The following THSD7A variants were observed in gnomAD, a reference collection of about 807,000 sequenced individuals.
The protein encoded by THSD7A is thrombospondin type-1 domain-containing protein 7A.
In THSD7A, 96 loss-of-function variants were observed where a neutral mutation model predicts 231.3. The observed-to-expected ratio is 0.41, with a 90% CI of 0.35 to 0.49. THSD7A has a LOEUF of 0.49. Among genes scored for constraint, THSD7A ranks in the 20% least tolerant of loss-of-function variants. The pLI is 0.05. For missense variants in THSD7A, 2,290 were observed against 2,070.2 expected (o/e 1.11, Z -2.06); for synonymous variants, 940 against 743.3 (o/e 1.26, Z -4.30).
At chr7:11,652,290 G>A (rs1044525997) in intron 1 of THSD7A, among the ~76,000 whole-genome samples, 1 of 151,872 alleles carries the variant, frequency 6.6e-6, no homozygotes, top group Non-Finnish European at 1.5e-5. Context: ...TGGCACGGGA[G>A]CAGGACTGGC....
intron 6 of THSD7A, among the ~76,000 whole-genome samples, chr7:11,517,505 G>T (rs1020637431): frequency 1.3e-5 from 2 of 151,846 alleles, no homozygotes; most frequent in African/African-American, 4.8e-5. Context: ...GTAAGGCTAT[G>T]AAGTAAAAAA....
At chr7:11,470,238 T>C (rs756646396) in intron 8 of THSD7A, among the ~76,000 whole-genome samples, 1 of 152,090 alleles carries the variant, frequency 6.6e-6, no homozygotes, top group Non-Finnish European at 1.5e-5. Flanking sequence ...AATAATGCTA[T>C]TTAGAAACAA....
chr7:11,770,503 G>A (rs1166560665), intron 1 of THSD7A, among the ~76,000 whole-genome samples: 1 of 152,132 alleles, frequency 6.6e-6, no homozygotes, highest in African/African-American at 2.4e-5. Flanking sequence ...ATTTACCAGT[G>A]TTTCTGAGGC....
At position 11,381,091 on chromosome 7, in the gene THSD7A, G is replaced by C. The variant is rs554814056; in HGVS notation, c.4508-1379C>G. ...TCTTTGAATAGTTTAAAAAAGAATG[G>C]AGACATTCGTTTCCAATCTCTGAGC... is the stretch of plus-strand genomic sequence containing the variant. On this transcript the variant is annotated intron_variant, in intron 24 of 27. Coordinates refer to ENST00000423059, the MANE Select transcript of THSD7A (RefSeq NM_015204.3). 5.3e-5 allele frequency among the ~76,000 whole-genome samples: 8 copies of C among 152,208 alleles called. No individual in the cohort carries two copies. In the South Asian group the frequency reaches 1.5e-3, roughly 28 times the overall value.
At chr7:11,784,446 G>A (rs1308642967) in intron 1 of THSD7A, among the ~76,000 whole-genome samples, 2 of 151,074 alleles carry the variant, frequency 1.3e-5, no homozygotes, top group East Asian at 2.0e-4. Flanking sequence ...AATCCTCAAT[G>A]TCTCTTCTTT....
chr7:11,736,180 G>T (rs184853603), intron 1 of THSD7A, among the ~76,000 whole-genome samples: 2 of 151,796 alleles, frequency 1.3e-5, no homozygotes, highest in Non-Finnish European at 2.9e-5. Context: ...AGAAAATAAA[G>T]CTTATTTGGC....
intron 6 of THSD7A, among the ~76,000 whole-genome samples, chr7:11,512,547 T>C (rs1192162777): frequency 6.6e-6 from 1 of 152,020 alleles, no homozygotes; most frequent in Non-Finnish European, 1.5e-5. Context: ...TGTTCATCAA[T>C]AATAGACTGG....
At chr7:11,698,479 AT>A (rs150745091) in intron 1 of THSD7A, among the ~76,000 whole-genome samples, 4,538 of 151,522 alleles carry the variant, frequency 0.03, 236 homozygotes, top group African/African-American at 0.1. Flanking sequence ...TATATTTGCC[AT>A]TTAGCTACAG....
intron 4 of THSD7A, among the ~76,000 whole-genome samples, chr7:11,575,614 C>A (rs774446148): frequency 6.6e-6 from 1 of 152,126 alleles, no homozygotes; most frequent in Non-Finnish European, 1.5e-5. Flanking sequence ...GGGGATATAA[C>A]GGAACTCTCT....
intron 1 of THSD7A, among the ~76,000 whole-genome samples, chr7:11,685,536 T>C (rs114905282): frequency 0.016 from 2,435 of 151,458 alleles, 50 homozygotes; most frequent in African/African-American, 0.056. Context: ...AGGAAATAAA[T>C]AACTCTATTA....
chr7:11,823,727 T>A (rs906527393), intron 1 of THSD7A, among the ~76,000 whole-genome samples: 2 of 152,058 alleles, frequency 1.3e-5, no homozygotes, highest in African/African-American at 4.8e-5. Flanking sequence ...GTAAATTGGA[T>A]TATTTTCTTG....
intron 6 of THSD7A, among the ~76,000 whole-genome samples, chr7:11,484,874 A>ATTTTTTTTTTTTTTTTTTTTTTTTT (rs56353626): frequency 5.6e-5 from 3 of 53,810 alleles, no homozygotes; most frequent in Non-Finnish European, 9.3e-5. Context: ...CACAACCTTA[A>ATTTTTTTTTTTTTTTTTTTTTTTTT]TTTTTTTTTT....
chr7:11,825,711 T>C (rs1785005235), intron 1 of THSD7A, among the ~76,000 whole-genome samples: 1 of 152,108 alleles, frequency 6.6e-6, no homozygotes, highest in African/African-American at 2.4e-5. Flanking sequence ...ATATTGGAGA[T>C]GAAAGAAAAA....
At chr7:11,482,926 G>C (rs547847860) in intron 6 of THSD7A, among the ~76,000 whole-genome samples, 1 of 152,162 alleles carries the variant, frequency 6.6e-6, no homozygotes, top group Admixed American at 6.6e-5. Flanking sequence ...CCAAAACAGG[G>C]TAGGAGAAAA....
At position 11,543,103 on chromosome 7, in the gene THSD7A, C is replaced by A. The variant is rs980523542; in HGVS notation, c.1468G>T (p.Asp490Tyr). The A allele has an allele frequency of 6.2e-7, 1 of 1,610,884 alleles. No homozygotes were observed. Among genetic ancestry groups the A allele is most frequent in the Non-Finnish European group, 8.5e-7 (1 of 1,178,544 alleles). The change falls in exon 5 of 28, where the codon GAC becomes TAC. Residue 490 changes from aspartate to tyrosine, a missense_variant. Asp to Tyr is a radical substitution (Grantham distance 160). Coordinates refer to ENST00000423059, the MANE Select transcript of THSD7A (RefSeq NM_015204.3). ...ATAGGTCCAGTGCATAATTTTAAGT[C>A]CATTGGCTTTGAGGCTAGAGAAAAA... ...HKNKEASKPM[D>Y]LKLCTGPIPN...
At position 11,446,121 on chromosome 7, in the gene THSD7A, C is replaced by A. The variant is rs1375699886; in HGVS notation, c.3004G>T (p.Ala1002Ser). ...CCATTTTGATCGTAGCATGCCATTG[C>A]TTGGTAACGATATCCTTGTCCGCAT... ...KECGQGYRYQAMACYDQNGRL... is the reference protein window; with the variant it reads ...KECGQGYRYQSMACYDQNGRL... The change falls in exon 13 of 28, where the codon GCA (alanine) becomes TCA (serine). Residue 1002 changes from alanine to serine, a missense_variant. Coordinates refer to ENST00000423059, the MANE Select transcript of THSD7A (RefSeq NM_015204.3). The surrounding 1 kb of genome is among the most constrained non-coding windows in gnomAD (Gnocchi z 4.0). 5.0e-6 allele frequency: 8 copies of A among 1,613,474 alleles called. No homozygotes were observed. In the East Asian group the frequency reaches 1.3e-4, roughly 27 times the overall value.
intron 4 of THSD7A, among the ~76,000 whole-genome samples, chr7:11,577,310 C>T (rs1790956986): frequency 6.6e-6 from 1 of 151,964 alleles, no homozygotes; most frequent in South Asian, 2.1e-4. Flanking sequence ...TTTCTAAACT[C>T]TATTTTATTT....
chr7:11,735,757 G>A (rs1471433317), intron 1 of THSD7A, among the ~76,000 whole-genome samples: 1 of 151,902 alleles, frequency 6.6e-6, no homozygotes, highest in African/African-American at 2.4e-5. Context: ...AAAATTGTTA[G>A]CATTCATAAT....
chr7:11,497,966 T>G (rs1787172505), intron 6 of THSD7A, among the ~76,000 whole-genome samples: 1 of 152,144 alleles, frequency 6.6e-6, no homozygotes, highest in South Asian at 2.1e-4. Flanking sequence ...GAGATCTCTT[T>G]GAGAACCCAC....
Sources: gnomAD v4.1 joint callset for allele counts (sites outside exome capture counted in the v4.1 genomes callset) on GRCh38, gnomAD v4.1.1 for gene constraint, Gnocchi (gnomAD v3.1) non-coding constraint, MANE v1.5 for transcripts, NCBI Gene and HGNC (gene_info 2026-07-23, HGNC 2026-07-21) for gene names.